Variants in TEAD2 observed in about 807,000 individuals in gnomAD.
TEAD2 encodes the protein transcriptional enhancer factor TEF-4.
Under a neutral mutation model 61.4 loss-of-function variants are expected in TEAD2, and 51 were observed. The ratio of observed to expected loss-of-function variants is 0.83; its 90% CI spans 0.66 to 1.05. TEAD2 has a LOEUF of 1.05. Ranked by LOEUF, TEAD2 falls within the 50% of genes least tolerant of loss-of-function variation. The pLI is 0.00. For missense variants in TEAD2, 509 were observed against 600.0 expected, an observed-to-expected ratio of 0.85 and a Z score of 1.58; for synonymous variants, 244 against 243.2, an observed-to-expected ratio of 1.00 and a Z score of -0.03.
At position 49,359,758 on chromosome 19, in the gene TEAD2, G is replaced by A. The variant is rs140245362; in HGVS notation, c.232+86C>T. 1,768 of 1,365,828 alleles carry A rather than the reference G, an allele frequency of 1.3e-3. 11 individuals carry two copies. The Middle Eastern group carries it at 0.017, about 13-fold the overall frequency. 84.6% of individuals were successfully genotyped at this position (1,365,828 alleles called of 1,614,324 possible). A position where few individuals can be genotyped will look rare whatever the true frequency, so the allele number is the denominator to read the frequency against. On this transcript the variant is annotated intron_variant, in intron 2 of 12. Transcript: ENST00000593945. The surrounding 1 kb of genome is among the most constrained non-coding windows in gnomAD (Gnocchi z 4.1). Reference sequence around the variant, plus strand: ...CTCATCTGTGCAAATGGTGATGCTAGCTCCTACTTCAGAGTGCTCCATAAA... The same window carrying A: ...CTCATCTGTGCAAATGGTGATGCTAACTCCTACTTCAGAGTGCTCCATAAA...
chr19:49,347,101 G>A (rs562670542), intron 10 of TEAD2, 89 bp downstream of exon 10: 2 of 1,525,280 alleles, frequency 1.3e-6, no homozygotes, highest in Non-Finnish European at 8.9e-7. Flanking sequence ...GACCTGGTAG[G>A]GCCCGCGACA....
In TEAD2 at chr19:49,341,271, C is replaced by A; in HGVS notation, c.*53G>T. 6.8e-7 allele frequency: 1 copy of A among 1,472,030 alleles called. No homozygotes were observed. The highest frequency in any genetic ancestry group is 9.5e-7 in the Non-Finnish European group (1 of 1,052,630). 91.2% of individuals were successfully genotyped at this position (1,472,030 alleles called of 1,614,324 possible). On this transcript the variant is annotated 3_prime_UTR_variant, in exon 13 of 13. Coordinates refer to ENST00000593945, the MANE Select transcript of TEAD2 (RefSeq NM_001256660.2). This position sits in a 1 kb window ranked among gnomAD's most constrained non-coding sequence, Gnocchi z 4.2. The stretch of plus-strand genomic sequence containing the variant: ...AAGAAGCATGAGGTGAGCTGGAGGA[C>A]CCTCCCTGGGAGGAGGGTGTTCTGG...
rs370879505 is a variant in TEAD2, at chr19:49,359,549, C to T, written c.233-50G>A. 812 of 1,594,202 alleles carry T rather than the reference C, an allele frequency of 5.1e-4. No individual in the cohort carries two copies. The highest frequency in any genetic ancestry group is 6.5e-4 in the Non-Finnish European group (756 of 1,162,248). On this transcript the variant is annotated intron_variant, in intron 2 of 12. Transcript: ENST00000593945. The surrounding 1 kb of genome is among the most constrained non-coding windows in gnomAD (Gnocchi z 4.1). ...GTTAGTTAGACTTTCAACAGAACTT[C>T]CCCACAGCATGGACACCAGGGAAGA... is the stretch of plus-strand genomic sequence containing the variant.
chr19:49,344,373 C>G (rs540528334), intron 10 of TEAD2, among the ~76,000 whole-genome samples: 1 of 151,942 alleles, frequency 6.6e-6, no homozygotes, highest in South Asian at 2.1e-4. Context: ...CTCTGCCTCC[C>G]GGGTTCAAGC....
At position 49,351,257 on chromosome 19, in the gene TEAD2, AG is replaced by A. The variant is rs746774981; in HGVS notation, c.604+43del. ...TTGAAGGAAAGGCAGTAGGGGTCGA[AG>A]AGAGAGAGGGGAGACAAGGGAGGGT... On this transcript the variant is annotated intron_variant, in intron 8 of 12. Coordinates refer to ENST00000593945, the MANE Select transcript of TEAD2 (RefSeq NM_001256660.2). 4.5e-6 allele frequency: 7 copies of A among 1,553,468 alleles called. No individual in the cohort carries two copies. The South Asian group carries it at 8.1e-5, about 18-fold the overall frequency.
Position 49,359,296 on chromosome 19 carries a change from A to G in TEAD2, c.297+139T>C. 1 of 739,696 alleles carries G rather than the reference A, an allele frequency of 1.4e-6. No homozygotes were observed. The highest frequency in any genetic ancestry group is 1.6e-5 in the South Asian group (1 of 60,958). 45.8% of individuals were successfully genotyped at this position (739,696 alleles called of 1,614,324 possible). ...CGGGTAATTCTTTATAGCAATACAA[A>G]CGGACTAACACACATGCCGAGAAGA... On this transcript the variant is annotated intron_variant, in intron 3 of 12. Coordinates refer to ENST00000593945, the MANE Select transcript of TEAD2 (RefSeq NM_001256660.2). The surrounding 1 kb of genome is among the most constrained non-coding windows in gnomAD (Gnocchi z 4.1).
Position 49,359,873 on chromosome 19 carries a change from AT to A in TEAD2, c.202del (p.Ile68Ter). 6.2e-7 allele frequency: 1 copy of A among 1,613,706 alleles called. No homozygotes were observed. The highest frequency in any genetic ancestry group is 8.5e-7 in the Non-Finnish European group (1 of 1,180,002). ...AIYPPCGRRK[I>X]ILSDEGKMYG... is the part of the protein sequence containing the mutation. ...CATCTTGCCTTCATCAGACAAAATT[AT>A]TTTCCGGCGGCCGCAGGGTGGATAG... On this transcript the variant is annotated frameshift_variant, in exon 2 of 13. Coordinates refer to ENST00000593945, the MANE Select transcript of TEAD2 (RefSeq NM_001256660.2). LOFTEE classifies it high-confidence loss of function. The surrounding 1 kb of genome is among the most constrained non-coding windows in gnomAD (Gnocchi z 4.1).
At chr19:49,348,199 CATTGAA>C (rs1971773403) in intron 9 of TEAD2, among the ~76,000 whole-genome samples, 1 of 152,220 alleles carries the variant, frequency 6.6e-6, no homozygotes. Context: ...GCTGAACCTA[CATTGAA>C]ATGTTACATG....
chr19:49,355,168 C>T lies in TEAD2; in HGVS notation c.519G>A (p.Gly173=). ...CTCACTCTGGAACATTCCAGGGGGG[C>T]CCAGATCCTCCAGACCAAAACTGGA... ...ELFQFWSGGS[G]PPWNVPDVKP... Residue 173 remains glycine, a synonymous_variant, in exon 7 of 13, where the codon GGG becomes GGA. Coordinates refer to ENST00000593945, the MANE Select transcript of TEAD2 (RefSeq NM_001256660.2). 1 of 1,610,862 alleles carries T rather than the reference C, an allele frequency of 6.2e-7. No homozygotes were observed. Among genetic ancestry groups the T allele is most frequent in the South Asian group, 1.1e-5 (1 of 90,554 alleles).
intron 7 of TEAD2, among the ~76,000 whole-genome samples, chr19:49,354,534 A>G (rs1038394124): frequency 6.6e-6 from 1 of 150,984 alleles, no homozygotes; most frequent in Non-Finnish European, 1.5e-5. Flanking sequence ...AGCACTTCCC[A>G]TCATCTTCTG....
At chr19:49,344,775 C>T (rs1971526714) in intron 10 of TEAD2, among the ~76,000 whole-genome samples, 1 of 152,162 alleles carries the variant, frequency 6.6e-6, no homozygotes, top group African/African-American at 2.4e-5. Context: ...GGCCTGACTC[C>T]TCCTCAGAGC....
rs745817277 is a variant in TEAD2 at position 49,342,601 on chromosome 19, G to A, written c.1090-11C>T. 4 of 1,605,506 alleles carry A rather than the reference G, an allele frequency of 2.5e-6. No homozygotes were observed. Among genetic ancestry groups the A allele is most frequent in the Non-Finnish European group, 3.4e-6 (4 of 1,173,570 alleles). On this transcript the variant is annotated splice_polypyrimidine_tract_variant and intron_variant, in intron 11 of 12. Coordinates refer to ENST00000593945, the MANE Select transcript of TEAD2 (RefSeq NM_001256660.2). Reference sequence around the variant, plus strand: ...CTGGGCCCGTTCCGTCTGAACCAAGGGGAAGGGAGTTGGGAAAATGGTGGC... The same window carrying A: ...CTGGGCCCGTTCCGTCTGAACCAAGAGGAAGGGAGTTGGGAAAATGGTGGC...
At position 49,343,266 on chromosome 19, in the gene TEAD2, A is replaced by T; in HGVS notation, c.1054T>A (p.Cys352Ser). ...HMTLTCSSKV[C>S]SFGKQVVEKV... is the part of the protein sequence containing the mutation. Reference sequence around the variant, plus strand: ...TCCACCACCTGCTTGCCAAAAGAGCAGACCTTGGAGGAACAGGTGAGGGTC... The same window carrying T: ...TCCACCACCTGCTTGCCAAAAGAGCTGACCTTGGAGGAACAGGTGAGGGTC... Residue 352 changes from cysteine (C) to serine (S), a missense_variant, in exon 11 of 13, where the codon TGC (cysteine) becomes AGC (serine). Physicochemically the swap from Cys to Ser is moderately radical, Grantham distance 112 (BLOSUM62 -1). Transcript: ENST00000593945. 2.5e-6 allele frequency: 4 copies of T among 1,613,614 alleles called. No homozygotes were observed. The highest frequency in any genetic ancestry group is 3.4e-6 in the Non-Finnish European group (4 of 1,179,778).
rs762804823 is a variant in TEAD2, at chr19:49,351,286, A to C, written c.604+15T>G. On this transcript the variant is annotated intron_variant, in intron 8 of 12. Transcript: ENST00000593945. ...AGAGAGGGGAGACAAGGGAGGGTGGAGCGCAGGCTCTTACCTGGGAGGTCA... is the reference window on the plus strand; with the variant it reads ...AGAGAGGGGAGACAAGGGAGGGTGGCGCGCAGGCTCTTACCTGGGAGGTCA... 1 of 1,608,976 alleles carries C rather than the reference A, an allele frequency of 6.2e-7. No homozygotes were observed. The highest frequency in any genetic ancestry group is 8.5e-7 in the Non-Finnish European group (1 of 1,178,014).
In TEAD2 at chr19:49,341,432, C is replaced by T; in HGVS notation, c.1248G>A (p.Val416=). The change falls in exon 13 of 13, where the codon GTG becomes GTA. Residue 416 remains valine (V), a synonymous_variant. Transcript: ENST00000593945. This position sits in a 1 kb window ranked among gnomAD's most constrained non-coding sequence, Gnocchi z 4.2. ...VLENFTILQV[V]TNRDTQELLL... ...GCAGTTCCTGGGTGTCTCTGTTTGT[C>T]ACCACCTGCCAGGAAGGCCAGGACA... 2 of 1,613,714 alleles carry T rather than the reference C, an allele frequency of 1.2e-6. No homozygotes were observed. The highest frequency in any genetic ancestry group is 2.2e-5 in the South Asian group (2 of 91,062).
chr19:49,359,774 G>T lies in TEAD2; in HGVS notation c.232+70C>A. 6.8e-7 allele frequency: 1 copy of T among 1,472,160 alleles called. No homozygotes were observed. The highest frequency in any genetic ancestry group is 9.4e-7 in the Non-Finnish European group (1 of 1,066,642). 91.2% of individuals were successfully genotyped at this position (1,472,160 alleles called of 1,614,324 possible). ...GTGATGCTAGCTCCTACTTCAGAGT[G>T]CTCCATAAACCTTGGTTACTGTCAT... On this transcript the variant is annotated intron_variant, in intron 2 of 12. Transcript: ENST00000593945. This position sits in a 1 kb window ranked among gnomAD's most constrained non-coding sequence, Gnocchi z 4.1.
Position 49,347,227 on chromosome 19 carries a change from C to T in TEAD2, c.884G>A (p.Arg295His), listed in dbSNP as rs572680697. The change falls in exon 10 of 13, where the codon CGT becomes CAT. Residue 295 changes from arginine (R) to histidine (H), a missense_variant. By Grantham distance (29) the Arg-to-His change is conservative (BLOSUM62 0). Transcript: ENST00000593945. Reference sequence around the variant, plus strand: ...CAGGAAGAAGGCATGGGGGGGGCCACGATCATATAGCTCTCGGAGGCCACC... The same window carrying T: ...CAGGAAGAAGGCATGGGGGGGGCCATGATCATATAGCTCTCGGAGGCCACC... ...KKGGLRELYD[R>H]GPPHAFFLVK... The T allele has an allele frequency of 1.3e-5, 21 of 1,614,098 alleles. No homozygotes were observed. The highest frequency in any genetic ancestry group is 2.2e-5 in the East Asian group (1 of 44,886).
chr19:49,350,516 T>TG (rs541466159), intron 8 of TEAD2, among the ~76,000 whole-genome samples: 221 of 150,748 alleles, frequency 1.5e-3, no homozygotes, highest in Middle Eastern at 6.9e-3. Context: ...TAGTAGAGGT[T>TG]GGGGGGGGTG....
intron 7 of TEAD2, among the ~76,000 whole-genome samples, chr19:49,353,201 C>T (rs764199581): frequency 2.0e-5 from 3 of 151,780 alleles, no homozygotes; most frequent in Admixed American, 1.3e-4. Context: ...CAGGTTCAAG[C>T]GATTCTCCTG....
Sources: allele counts gnomAD v4.1 joint callset (sites outside exome capture counted in the v4.1 genomes callset), GRCh38; gene constraint gnomAD v4.1.1; non-coding constraint Gnocchi (gnomAD v3.1); transcripts MANE v1.5; gene names NCBI Gene and HGNC (gene_info 2026-07-23, HGNC 2026-07-21).